The following CPE variants were observed in gnomAD, a reference collection of about 807,000 sequenced individuals.
CPE encodes carboxypeptidase E.
CPE carries 17 observed loss-of-function variants against 53.5 expected under a neutral mutation model. The observed-to-expected ratio is 0.32, with a 90% CI of 0.22 to 0.48. The LOEUF is 0.48. CPE is among the 20% of genes least tolerant of loss of function. The pLI, the probability that CPE is intolerant of heterozygous loss-of-function variation, is 0.99. For synonymous variants in CPE, 226 were observed against 228.8 expected, an observed-to-expected ratio of 0.99 and a Z score of 0.11; for missense variants, 524 against 614.7, an observed-to-expected ratio of 0.85 and a Z score of 1.56.
intron 1 of CPE, among the ~76,000 whole-genome samples, chr4:165,392,562 G>C (rs1178345274): frequency 7.0e-6 from 1 of 142,582 alleles, no homozygotes; most frequent in Non-Finnish European, 1.5e-5. Flanking sequence ...TTATAATGGA[G>C]CTTATACTTA....
chr4:165,406,379 G>A (rs191814156), intron 1 of CPE: 7 of 427,750 alleles, frequency 1.6e-5, no homozygotes, highest in Admixed American at 3.4e-5. Context: ...AGTGGAGAGC[G>A]CTTCTCTTTA....
chr4:165,421,371 GT>G (rs1731207721), intron 1 of CPE, among the ~76,000 whole-genome samples: 1 of 152,202 alleles, frequency 6.6e-6, no homozygotes, highest in African/African-American at 2.4e-5. Context: ...CCAAATCTTA[GT>G]TGGTATCTCT....
At chr4:165,477,085 T>C (rs1732317384) in intron 3 of CPE, among the ~76,000 whole-genome samples, 1 of 152,216 alleles carries the variant, frequency 6.6e-6, no homozygotes, top group Non-Finnish European at 1.5e-5. Context: ...TCCTTCCACC[T>C]ATCATAGAAG....
At chr4:165,390,618 T>G (rs764401379) in intron 1 of CPE, among the ~76,000 whole-genome samples, 39 of 152,178 alleles carry the variant, frequency 2.6e-4, no homozygotes, top group Non-Finnish European at 5.1e-4. Flanking sequence ...CTTAGAATTG[T>G]CTCCCCATTG....
chr4:165,393,843 C>CA (rs1730721977), intron 1 of CPE, among the ~76,000 whole-genome samples: 1 of 152,014 alleles, frequency 6.6e-6, no homozygotes, highest in Non-Finnish European at 1.5e-5. Context: ...CCTAGGGTGG[C>CA]AAAAAACCAG....
intron 6 of CPE, among the ~76,000 whole-genome samples, chr4:165,490,785 G>A (rs1161156829): frequency 3.9e-5 from 6 of 152,238 alleles, no homozygotes; most frequent in Admixed American, 1.3e-4. Context: ...AGCTATCTGC[G>A]TGACACTAAG....
intron 1 of CPE, among the ~76,000 whole-genome samples, chr4:165,393,179 A>C (rs1463369512): frequency 6.6e-6 from 1 of 152,156 alleles, no homozygotes; most frequent in East Asian, 1.9e-4. Flanking sequence ...TAAGAACAAG[A>C]ACAAAAAAAG....
At chr4:165,422,744 G>A (rs1043609679) in intron 1 of CPE, among the ~76,000 whole-genome samples, 11 of 152,068 alleles carry the variant, frequency 7.2e-5, no homozygotes, top group African/African-American at 2.4e-4. Context: ...TTGGGAGGCC[G>A]AGGCGGGTGG....
intron 5 of CPE, among the ~76,000 whole-genome samples, chr4:165,486,265 C>T (rs546317217): frequency 2.6e-5 from 4 of 152,232 alleles, no homozygotes; most frequent in East Asian, 3.9e-4. Flanking sequence ...GGTCTGGATG[C>T]CCTGCCTCCA....
In CPE at chr4:165,493,168, C is replaced by T. The variant is rs1283271848; in HGVS notation, c.1114-3C>T. 2.5e-6 allele frequency: 4 copies of T among 1,610,102 alleles called. No individual in the cohort carries two copies. The highest frequency in any genetic ancestry group is 2.5e-6 in the Non-Finnish European group (3 of 1,177,096). ...ATTTTTTGGTTATTTTTGACCTTCA[C>T]AGATACACCGAGGAGTTAAAGGATT... On this transcript the variant is annotated splice_polypyrimidine_tract_variant and splice_region_variant and intron_variant, in intron 6 of 8. Transcript: ENST00000402744.
intron 1 of CPE, among the ~76,000 whole-genome samples, chr4:165,456,847 T>G (rs1731911992): frequency 6.7e-6 from 1 of 150,292 alleles, no homozygotes; most frequent in East Asian, 2.0e-4. Flanking sequence ...GTTTAAGCAG[T>G]TCTCTGCCTC....
chr4:165,467,709 T>G lies in CPE; in HGVS notation c.526T>G (p.Phe176Val). 1 of 1,609,336 alleles carries G rather than the reference T, an allele frequency of 6.2e-7. No individual in the cohort carries two copies. The highest frequency in any genetic ancestry group is 8.5e-7 in the Non-Finnish European group (1 of 1,178,196). Residue 176 changes from phenylalanine to valine, a missense_variant, in exon 3 of 9, where the codon TTT (phenylalanine) becomes GTT (valine). By Grantham distance (50) the Phe-to-Val change is conservative (BLOSUM62 -1). Coordinates refer to ENST00000402744, the MANE Select transcript of CPE (RefSeq NM_001873.4). ...TTAGCCTGGTGAACTCAAGGACTGGTTTGTGGGTCGAAGCAATGCCCAGGG... is the reference window on the plus strand; with the variant it reads ...TTAGCCTGGTGAACTCAAGGACTGGGTTGTGGGTCGAAGCAATGCCCAGGG... ...ASQPGELKDWFVGRSNAQGID... is the reference protein window; with the variant it reads ...ASQPGELKDWVVGRSNAQGID...
chr4:165,395,155 A>G (rs935497509), intron 1 of CPE, among the ~76,000 whole-genome samples: 6 of 152,210 alleles, frequency 3.9e-5, no homozygotes, highest in Non-Finnish European at 7.3e-5. Context: ...CTTCTGGCTG[A>G]TGTTTATGTG....
At chr4:165,485,605 T>C (rs977990122) in intron 5 of CPE, among the ~76,000 whole-genome samples, 2 of 152,214 alleles carry the variant, frequency 1.3e-5, no homozygotes, top group African/African-American at 4.8e-5. Flanking sequence ...AGATGGGAAG[T>C]AATTTTATAC....
chr4:165,421,683 A>C (rs1289820381), intron 1 of CPE, among the ~76,000 whole-genome samples: 1 of 152,040 alleles, frequency 6.6e-6, no homozygotes, highest in Non-Finnish European at 1.5e-5. Flanking sequence ...ATTTAGGCTA[A>C]ACATTGTGCT....
At chr4:165,461,099 C>A (rs181349656) in intron 1 of CPE, among the ~76,000 whole-genome samples, 1 of 141,968 alleles carries the variant, frequency 7.0e-6, no homozygotes, top group African/African-American at 2.6e-5. Flanking sequence ...CCCGGGAGGT[C>A]GAGGCTGCAG....
At position 165,497,542 on chromosome 4, in the gene CPE, A is replaced by T; in HGVS notation, c.1363A>T (p.Arg455Trp). 6.3e-7 allele frequency: 1 copy of T among 1,576,486 alleles called. No individual in the cohort carries two copies. The highest frequency in any genetic ancestry group is 8.6e-7 in the Non-Finnish European group (1 of 1,164,922). Residue 455 changes from arginine (R) to tryptophan (W), a missense_variant, in exon 9 of 9, where the codon AGG (arginine) becomes TGG (tryptophan). Transcript: ENST00000402744. ...VDFELESFSE[R>W]KEEEKEELME... Reference sequence around the variant, plus strand: ...TTTTGAACTGGAGTCATTTTCTGAAAGGAAAGAAGAGGAGAAGGAAGAATT... The same window carrying T: ...TTTTGAACTGGAGTCATTTTCTGAATGGAAAGAAGAGGAGAAGGAAGAATT...
intron 1 of CPE, among the ~76,000 whole-genome samples, chr4:165,391,301 C>A (rs927185603): frequency 6.6e-6 from 1 of 151,996 alleles, no homozygotes; most frequent in African/African-American, 2.4e-5. Flanking sequence ...TTCAAAAATT[C>A]ATTGGACAAA....
At chr4:165,434,289 A>G (rs1731459733) in intron 1 of CPE, among the ~76,000 whole-genome samples, 1 of 152,102 alleles carries the variant, frequency 6.6e-6, no homozygotes, top group South Asian at 2.1e-4. Flanking sequence ...CACTTAGCAA[A>G]TATTTGCTAA....
Sources: gnomAD v4.1 joint callset for allele counts (sites outside exome capture counted in the v4.1 genomes callset) on GRCh38, gnomAD v4.1.1 for gene constraint, MANE v1.5 for transcripts, NCBI Gene and HGNC (gene_info 2026-07-23, HGNC 2026-07-21) for gene names.